TRHDE: variants seen among roughly 807,000 people sequenced by gnomAD.
The protein encoded by TRHDE is thyrotropin releasing hormone degrading enzyme.
Under a neutral mutation model 125.7 loss-of-function variants are expected in TRHDE, and 72 were observed. The ratio of observed to expected loss-of-function variants is 0.57; its 90% CI spans 0.47 to 0.70. The LOEUF (loss-of-function observed/expected upper bound fraction) is 0.70. Ranked by LOEUF, TRHDE falls within the 30% of genes least tolerant of loss-of-function variation. The pLI, the probability that TRHDE is intolerant of heterozygous loss-of-function variation, is 0.00. For synonymous variants in TRHDE, 509 were observed against 509.1 expected, an observed-to-expected ratio of 1.00 and a Z score of 0.00; for missense variants, 1,110 against 1,327.1, an observed-to-expected ratio of 0.84 and a Z score of 2.54.
intron 15 of TRHDE, among the ~76,000 whole-genome samples, chr12:72,624,406 GAAAT>G (rs1873174475): frequency 6.6e-6 from 1 of 151,898 alleles, no homozygotes; most frequent in Non-Finnish European, 1.5e-5. Context: ...AATGTCTTGG[GAAAT>G]AAATATTTAT....
chr12:72,361,308 A>T (rs1871065488), intron 2 of TRHDE, among the ~76,000 whole-genome samples: 1 of 151,894 alleles, frequency 6.6e-6, no homozygotes, highest in African/African-American at 2.4e-5. Context: ...GAAAATCCAG[A>T]TATTTTAACA....
chr12:72,454,366 T>C (rs1176607868), intron 3 of TRHDE, among the ~76,000 whole-genome samples: 2 of 152,174 alleles, frequency 1.3e-5, no homozygotes, highest in African/African-American at 2.4e-5. Context: ...TTTAAACTAA[T>C]ATAATTTATA....
Position 72,161,799 on chromosome 12 carries a change from T to C in TRHDE, n.279+56047T>C, listed in dbSNP as rs139123216. ...TGAAAAAGAACTTCCATATGGCAGA[T>C]TACAAAGGAATCCAGGAAAACTTTT... On this transcript the variant is annotated intron_variant and non_coding_transcript_variant, in intron 2 of 4. Transcript: ENST00000548156. 1.9e-3 allele frequency among the ~76,000 whole-genome samples: 294 copies of C among 152,350 alleles called. 3 individuals carry two copies. The highest frequency in any genetic ancestry group is 3.1e-4 in the Non-Finnish European group (21 of 68,034).
At position 72,661,336 on chromosome 12, in the gene TRHDE, A is replaced by G. The variant is rs2136117093; in HGVS notation, c.3067-1716A>G. 2.6e-5 allele frequency among the ~76,000 whole-genome samples: 4 copies of G among 152,300 alleles called. 1 individual carries two copies. In the South Asian group the frequency reaches 8.3e-4, roughly 32 times the overall value. On this transcript the variant is annotated intron_variant, in intron 18 of 18. Transcript: ENST00000261180. Reference sequence around the variant, plus strand: ...AGCCAAGAGCATGCTCCACAGAGTTAAAGTTGCTAAAGGGTCATTTATGAC... The same window carrying G: ...AGCCAAGAGCATGCTCCACAGAGTTGAAGTTGCTAAAGGGTCATTTATGAC...
chr12:72,159,825 CTA>C (rs1396752168), intron 2 of TRHDE, among the ~76,000 whole-genome samples: 1 of 152,138 alleles, frequency 6.6e-6, no homozygotes, highest in East Asian at 1.9e-4. Flanking sequence ...GCTGCAAATA[CTA>C]TGTTAAGTTC....
chr12:72,557,746 T>C (rs1424444942), intron 7 of TRHDE, among the ~76,000 whole-genome samples: 1 of 152,182 alleles, frequency 6.6e-6, no homozygotes, highest in Non-Finnish European at 1.5e-5. Context: ...AATGGTCTCG[T>C]ATGTAATCAT....
At chr12:72,190,429 A>C (rs1454357960) in intron 2 of TRHDE, among the ~76,000 whole-genome samples, 1 of 152,200 alleles carries the variant, frequency 6.6e-6, no homozygotes, top group African/African-American at 2.4e-5. Context: ...TTCTTTTAGC[A>C]GGTGGAAATT....
At chr12:72,639,857 C>G (rs907126102) in intron 15 of TRHDE, among the ~76,000 whole-genome samples, 3 of 152,134 alleles carry the variant, frequency 2.0e-5, no homozygotes, top group Admixed American at 6.5e-5. Flanking sequence ...GCAGTCTGCC[C>G]GTTCTCAGAT....
chr12:72,558,035 A>G (rs1042324574), intron 7 of TRHDE, among the ~76,000 whole-genome samples: 8 of 151,546 alleles, frequency 5.3e-5, no homozygotes, highest in Non-Finnish European at 1.0e-4. Flanking sequence ...GAGGACAGGG[A>G]GAGAGAGGAG....
chr12:72,597,734 T>C (rs1446452859), intron 12 of TRHDE, among the ~76,000 whole-genome samples: 7 of 7,806 alleles, frequency 9.0e-4, no homozygotes, highest in Non-Finnish European at 1.1e-3. Flanking sequence ...TATATATATA[T>C]ATATATATAT....
At chr12:72,215,003 G>A (rs1877855681) in intron 2 of TRHDE, among the ~76,000 whole-genome samples, 1 of 152,152 alleles carries the variant, frequency 6.6e-6, no homozygotes, top group Non-Finnish European at 1.5e-5. Context: ...TGTGTTAGGT[G>A]CATTGCATGT....
At chr12:72,614,370 T>C (rs1257532660) in intron 12 of TRHDE, among the ~76,000 whole-genome samples, 1 of 145,960 alleles carries the variant, frequency 6.9e-6, no homozygotes, top group African/African-American at 2.6e-5. Flanking sequence ...TAGCTGTTGG[T>C]TGACAGAGAG....
At chr12:72,614,719 C>A (rs1592573362) in intron 12 of TRHDE, among the ~76,000 whole-genome samples, 1 of 151,996 alleles carries the variant, frequency 6.6e-6, no homozygotes, top group South Asian at 2.1e-4. Context: ...AAAGTTTCAA[C>A]CCCAGAAATC....
At chr12:72,344,979 C>G (rs1158051304) in intron 2 of TRHDE, among the ~76,000 whole-genome samples, 1 of 152,116 alleles carries the variant, frequency 6.6e-6, no homozygotes, top group Non-Finnish European at 1.5e-5. Context: ...TGTTTAACAA[C>G]TAGCTCTCTG....
At position 72,180,135 on chromosome 12, in the gene TRHDE, C is replaced by T. The variant is rs552656675; in HGVS notation, n.279+74383C>T. Among the ~76,000 whole-genome samples the T allele has an allele frequency of 3.3e-5, 5 of 151,896 alleles. No individual in the cohort carries two copies. The South Asian group carries it at 1.0e-3, about 32-fold the overall frequency. ...AAGTTCATTTGTTCTTTTATTATCT[C>T]AGCCTATGCAAATATGTATTAGGGT... is the stretch of plus-strand genomic sequence containing the variant. On this transcript the variant is annotated intron_variant and non_coding_transcript_variant, in intron 2 of 4. Transcript: ENST00000548156.
At chr12:72,107,353 A>G (rs1377545796) in intron 2 of TRHDE, among the ~76,000 whole-genome samples, 1 of 152,122 alleles carries the variant, frequency 6.6e-6, no homozygotes, top group African/African-American at 2.4e-5. Context: ...GGTATCATAA[A>G]GTCTTTGGTA....
rs189859553 is a variant in TRHDE at position 72,402,936 on chromosome 12, C to T, written c.1315+24815C>T. Among the ~76,000 whole-genome samples the T allele has an allele frequency of 6.6e-5, 10 of 152,272 alleles. No homozygotes were observed. The East Asian group carries it at 1.2e-3, about 18-fold the overall frequency. Reference sequence around the variant, plus strand: ...CTCTAAGCTGATGACTACTTCCTCACGAATCTCCCTTTGCTTCGTCCAATC... The same window carrying T: ...CTCTAAGCTGATGACTACTTCCTCATGAATCTCCCTTTGCTTCGTCCAATC... On this transcript the variant is annotated intron_variant, in intron 3 of 18. Transcript: ENST00000261180.
chr12:72,153,666 T>G (rs1876426573), intron 2 of TRHDE, among the ~76,000 whole-genome samples: 1 of 152,096 alleles, frequency 6.6e-6, no homozygotes, highest in Non-Finnish European at 1.5e-5. Context: ...CAGTAGTCAT[T>G]CAGGAGCAGG....
At chr12:72,381,266 G>A (rs1486380630) in intron 3 of TRHDE, among the ~76,000 whole-genome samples, 2 of 152,140 alleles carry the variant, frequency 1.3e-5, no homozygotes, top group Non-Finnish European at 2.9e-5. Flanking sequence ...ACATGACAGA[G>A]GTGTGACAAC....
Sources: gnomAD v4.1 joint callset for allele counts (sites outside exome capture counted in the v4.1 genomes callset) on GRCh38, gnomAD v4.1.1 for gene constraint, MANE v1.5 for transcripts, NCBI Gene and HGNC (gene_info 2026-07-23, HGNC 2026-07-21) for gene names.